Variants in PPP1R37 observed in about 807,000 individuals in gnomAD.
PPP1R37 encodes leucine rich repeat containing 68.
Under a neutral mutation model 61.0 loss-of-function variants are expected in PPP1R37, and 21 were observed. The observed-to-expected ratio is 0.34, with a 90% CI of 0.24 to 0.50. The LOEUF (loss-of-function observed/expected upper bound fraction) is 0.50, where lower values mean the gene tolerates loss of function less well. Among genes scored for constraint, PPP1R37 ranks in the 20% least tolerant of loss-of-function variants. The pLI is 0.98. For missense variants in PPP1R37, 910 were observed against 952.7 expected (o/e 0.96, Z 0.59); for synonymous variants, 443 against 433.5 (o/e 1.02, Z -0.27).
At chr19:45,093,933 C>T (rs1001845258) in intron 1 of PPP1R37, among the ~76,000 whole-genome samples, 2 of 152,080 alleles carry the variant, frequency 1.3e-5, no homozygotes, top group African/African-American at 2.4e-5. Context: ...TTTGATGGGT[C>T]TATGGGGGTA....
chr19:45,100,631 T>G (rs1968050570), intron 1 of PPP1R37, among the ~76,000 whole-genome samples: 1 of 152,246 alleles, frequency 6.6e-6, no homozygotes, highest in African/African-American at 2.4e-5. Flanking sequence ...TAATAACCCC[T>G]GTGCGGCGGC....
At chr19:45,128,946 T>A (rs1968442843) in intron 1 of PPP1R37, 1 of 748,938 alleles carries the variant, frequency 1.3e-6, no homozygotes, top group Non-Finnish European at 2.4e-6. Context: ...TGAGCAAAAG[T>A]ACCGCTGTGG....
intron 1 of PPP1R37, among the ~76,000 whole-genome samples, chr19:45,113,023 G>T (rs1239785841): frequency 2.6e-5 from 4 of 152,194 alleles, no homozygotes; most frequent in African/African-American, 9.7e-5. Flanking sequence ...TGTGGCAGAG[G>T]GAGGGGTCAC....
intron 1 of PPP1R37, among the ~76,000 whole-genome samples, chr19:45,107,149 A>G (rs1292368064): frequency 2.0e-5 from 3 of 151,828 alleles, no homozygotes; most frequent in Non-Finnish European, 4.4e-5. Flanking sequence ...CTTGCTGAAC[A>G]CTTGTGTATC....
intron 1 of PPP1R37, among the ~76,000 whole-genome samples, chr19:45,094,759 T>C (rs1409344415): frequency 1.3e-5 from 2 of 150,070 alleles, no homozygotes; most frequent in East Asian, 3.9e-4. Context: ...TTGGGGGATG[T>C]TATCAAGTCA....
In PPP1R37 at chr19:45,121,000, G is replaced by A. The variant is rs145915756; in HGVS notation, c.203-17514G>A. ...TGGTCAGGTCCTTTCTCATCTCTAA[G>A]CGTCCCCTGGAAAGTTGGGGAGATA... On this transcript the variant is annotated intron_variant, in intron 1 of 12. Coordinates refer to ENST00000221462, the MANE Select transcript of PPP1R37 (RefSeq NM_019121.2). 6.3e-3 allele frequency among the ~76,000 whole-genome samples: 956 copies of A among 152,334 alleles called. 8 individuals are homozygous for A. The highest frequency in any genetic ancestry group is 0.022 in the African/African-American group (895 of 41,582).
At chr19:45,093,724 C>T (rs1967954758) in intron 1 of PPP1R37, among the ~76,000 whole-genome samples, 197 bp downstream of exon 1, 1 of 152,132 alleles carries the variant, frequency 6.6e-6, no homozygotes, top group Non-Finnish European at 1.5e-5. Context: ...TATCTGGTTT[C>T]TGCCGCACCC....
intron 1 of PPP1R37, among the ~76,000 whole-genome samples, chr19:45,107,490 G>A (rs1968147184): frequency 6.6e-6 from 1 of 152,164 alleles, no homozygotes; most frequent in African/African-American, 2.4e-5. Context: ...TGTAGTCCCA[G>A]CTACCTGGGA....
At chr19:45,139,713 C>A (rs996356398) in intron 2 of PPP1R37, among the ~76,000 whole-genome samples, 5 of 152,220 alleles carry the variant, frequency 3.3e-5, no homozygotes, top group African/African-American at 9.6e-5. Context: ...GGTCCTTGGA[C>A]CCCATCGGCC....
chr19:45,101,666 T>C (rs1178695094), intron 1 of PPP1R37, among the ~76,000 whole-genome samples: 2 of 152,266 alleles, frequency 1.3e-5, no homozygotes, highest in Non-Finnish European at 1.5e-5. Context: ...TTTAGTGAGC[T>C]GTGATCACAC....
Position 45,096,045 on chromosome 19 carries a change from C to T in PPP1R37, c.202+2518C>T, listed in dbSNP as rs527941958. Among the ~76,000 whole-genome samples, 29 of 152,160 alleles carry T rather than the reference C, an allele frequency of 1.9e-4. No individual in the cohort carries two copies. In the South Asian group the frequency reaches 4.6e-3, roughly 24 times the overall value. ...GAAGTAGGTGGCAATACTCTTGCCA[C>T]GGAATTTAGGAGAGGACTGGATGAA... On this transcript the variant is annotated intron_variant, in intron 1 of 12. Coordinates refer to ENST00000221462, the MANE Select transcript of PPP1R37 (RefSeq NM_019121.2).
intron 1 of PPP1R37, among the ~76,000 whole-genome samples, chr19:45,107,510 G>A (rs1035464907): frequency 6.6e-6 from 1 of 152,132 alleles, no homozygotes; most frequent in Admixed American, 6.5e-5. Context: ...AGGCTAATGT[G>A]GGAGGATTGC....
intron 1 of PPP1R37, among the ~76,000 whole-genome samples, chr19:45,106,545 G>A (rs1968133770): frequency 6.6e-6 from 1 of 151,554 alleles, no homozygotes; most frequent in Non-Finnish European, 1.5e-5. Flanking sequence ...CGCCTGGCCT[G>A]TTTGTTTTGA....
rs1221145343 is a variant in PPP1R37 at position 45,093,180 on chromosome 19, A to G, written c.-146A>G. ...AGGCGCGCTTGGGCTCCCGGCGGCG[A>G]CGACTACGACCACTAGGAGAGCGGA... On this transcript the variant is annotated 5_prime_UTR_variant, in exon 1 of 13. Transcript: ENST00000221462. 2 of 615,882 alleles carry G rather than the reference A, an allele frequency of 3.2e-6. No individual in the cohort carries two copies. The allele number at this position is 615,882 out of a possible 1,614,324, so 38.2% of individuals were successfully genotyped here.
At chr19:45,144,124 C>T (rs908657061) in intron 8 of PPP1R37, 1 of 152,764 alleles carries the variant, frequency 6.5e-6, no homozygotes, top group South Asian at 2.0e-4. Context: ...CACCATTGTC[C>T]TGCCTCAGCC....
rs2082462 is a variant in PPP1R37 at position 45,129,634 on chromosome 19, C to T, written c.203-8880C>T. Among the ~76,000 whole-genome samples the T allele has an allele frequency of 3.0e-3, 460 of 152,222 alleles. 3 individuals carry two copies. Among genetic ancestry groups the T allele is most frequent in the African/African-American group, 0.011 (444 of 41,510 alleles). ...TTTAATTCAATCTGGAATCAGAAAG[C>T]GGTGGATTCTGGCACATGGTCCTTG... On this transcript the variant is annotated intron_variant, in intron 1 of 12. Coordinates refer to ENST00000221462, the MANE Select transcript of PPP1R37 (RefSeq NM_019121.2).
At chr19:45,116,879 A>G (rs533528254) in intron 1 of PPP1R37, among the ~76,000 whole-genome samples, 5 of 146,664 alleles carry the variant, frequency 3.4e-5, no homozygotes, top group African/African-American at 1.3e-4. Context: ...TGCTACAGAA[A>G]GGGGTCAGGA....
chr19:45,108,459 C>G (rs1968160181), intron 1 of PPP1R37, among the ~76,000 whole-genome samples: 1 of 151,692 alleles, frequency 6.6e-6, no homozygotes, highest in Non-Finnish European at 1.5e-5. Flanking sequence ...CTGCCTGCCT[C>G]AGCATCCCAA....
At chr19:45,141,968 C>T (rs966107666) in intron 5 of PPP1R37, 93 bp from the exon 6 acceptor site, 3 of 1,026,204 alleles carry the variant, frequency 2.9e-6, no homozygotes, top group Non-Finnish European at 4.0e-6. Flanking sequence ...GGCACAGGTC[C>T]TGGGGCCAGG....
Sources: allele counts gnomAD v4.1 joint callset (sites outside exome capture counted in the v4.1 genomes callset), GRCh38; gene constraint gnomAD v4.1.1; transcripts MANE v1.5; gene names NCBI Gene and HGNC (gene_info 2026-07-23, HGNC 2026-07-21).